The following RSPO3 variants were observed in gnomAD, a reference collection of about 807,000 sequenced individuals.
RSPO3 encodes R-spondin 3.
Under a neutral mutation model 36.5 loss-of-function variants are expected in RSPO3, and 17 were observed. The observed-to-expected ratio is 0.47, with a 90% confidence interval of 0.32 to 0.70. RSPO3 has a LOEUF of 0.70. RSPO3 is among the 30% of genes least tolerant of loss of function. The pLI is 0.04. For missense variants in RSPO3, 294 were observed against 322.5 expected (o/e 0.91, Z 0.68); for synonymous variants, 108 against 107.0 (o/e 1.01, Z -0.06).
At chr6:127,184,565 T>G (rs916565523) in intron 4 of RSPO3, among the ~76,000 whole-genome samples, 7 of 152,098 alleles carry the variant, frequency 4.6e-5, no homozygotes, top group African/African-American at 1.7e-4. Flanking sequence ...ATGAAAGTAA[T>G]TATTTGATTT....
At chr6:127,119,463 C>A (rs970228738) in intron 1 of RSPO3, among the ~76,000 whole-genome samples, 174 bp downstream of exon 1, 4 of 152,234 alleles carry the variant, frequency 2.6e-5, no homozygotes, top group African/African-American at 7.2e-5. Context: ...CCTTGCCTCT[C>A]GGCGCCCCTG....
chr6:127,178,339 A>G (rs1231329097), intron 4 of RSPO3, among the ~76,000 whole-genome samples: 3 of 151,724 alleles, frequency 2.0e-5, no homozygotes, highest in African/African-American at 7.3e-5. Flanking sequence ...TTTTTATATA[A>G]TTATAAAAAT....
rs1775539412 is a variant in RSPO3, at chr6:127,197,578, T to C, written c.*1571T>C. On this transcript the variant is annotated 3_prime_UTR_variant, in exon 5 of 5. Coordinates refer to ENST00000356698, the MANE Select transcript of RSPO3 (RefSeq NM_032784.5). ...GTCATGGAAGGATGCACGGCTGCTC[T>C]GTCCACTGTGATTCCTAGCCCTCTC... is the stretch of plus-strand genomic sequence containing the variant. 6.5e-7 allele frequency: 1 copy of C among 1,534,774 alleles called. No individual in the cohort carries two copies. Among genetic ancestry groups the C allele is most frequent in the Non-Finnish European group, 8.8e-7 (1 of 1,140,392 alleles).
chr6:127,126,765 G>A (rs1452179352), intron 1 of RSPO3, among the ~76,000 whole-genome samples: 2 of 151,164 alleles, frequency 1.3e-5, no homozygotes, highest in African/African-American at 2.4e-5. Context: ...TCTCTGGAAG[G>A]GATAAAACTT....
chr6:127,126,844 C>T (rs181236303), intron 1 of RSPO3, among the ~76,000 whole-genome samples: 12 of 152,190 alleles, frequency 7.9e-5, no homozygotes, highest in African/African-American at 2.4e-4. Context: ...AACTGTCTAG[C>T]CTCAGTAACA....
At chr6:127,164,264 T>C (rs1018285336) in intron 4 of RSPO3, among the ~76,000 whole-genome samples, 1 of 152,048 alleles carries the variant, frequency 6.6e-6, no homozygotes, top group Non-Finnish European at 1.5e-5. Flanking sequence ...TTTTGATTGC[T>C]GGCTCTGTTT....
chr6:127,135,291 C>T (rs953541931), intron 1 of RSPO3, among the ~76,000 whole-genome samples: 5 of 151,932 alleles, frequency 3.3e-5, no homozygotes, highest in Admixed American at 6.6e-5. Flanking sequence ...TGTGGTGGCA[C>T]ATGCCTGTAG....
chr6:127,130,789 A>G (rs1330256332), intron 1 of RSPO3, among the ~76,000 whole-genome samples: 2 of 152,038 alleles, frequency 1.3e-5, no homozygotes, highest in African/African-American at 2.4e-5. Flanking sequence ...GAGAAGCTAC[A>G]TATTTGTTTC....
At chr6:127,148,887 T>C in intron 2 of RSPO3, 48 bp downstream of exon 2, 2 of 1,458,402 alleles carry the variant, frequency 1.4e-6, no homozygotes, top group Non-Finnish European at 9.4e-7. Flanking sequence ...TTGGTGACTT[T>C]TCCAGATTGA....
At chr6:127,181,109 C>G (rs1775177874) in intron 4 of RSPO3, among the ~76,000 whole-genome samples, 1 of 151,784 alleles carries the variant, frequency 6.6e-6, no homozygotes, top group Non-Finnish European at 1.5e-5. Context: ...TAGACTATGA[C>G]TAAATAGCTT....
At chr6:127,176,160 A>G (rs939740652) in intron 4 of RSPO3, among the ~76,000 whole-genome samples, 1 of 151,826 alleles carries the variant, frequency 6.6e-6, no homozygotes, top group Middle Eastern at 3.4e-3. Context: ...TTCATATTTA[A>G]TTACAGTAGA....
intron 4 of RSPO3, chr6:127,192,818 T>C (rs1775439827): frequency 1.0e-5 from 5 of 494,660 alleles, no homozygotes; most frequent in South Asian, 1.7e-4. Flanking sequence ...TTGTCATAAC[T>C]GGAATGCTTA....
chr6:127,182,267 T>G (rs1260010101), intron 4 of RSPO3, among the ~76,000 whole-genome samples: 2 of 151,850 alleles, frequency 1.3e-5, no homozygotes, highest in Non-Finnish European at 2.9e-5. Flanking sequence ...ACATTTGCGC[T>G]CAAATTTCAA....
rs139452400 is a variant in RSPO3 at position 127,124,185 on chromosome 6, C to T, written c.97+4896C>T. Among the ~76,000 whole-genome samples, 761 of 152,136 alleles carry T rather than the reference C, an allele frequency of 5.0e-3. 8 individuals are homozygous for T. The highest frequency in any genetic ancestry group is 0.017 in the African/African-American group (723 of 41,544). ...AAAAAATAAAACTATTCTAGATATA[C>T]TGATTTGCCAAATTGTCTTTTCCCC... On this transcript the variant is annotated intron_variant, in intron 1 of 4. Transcript: ENST00000356698.
At chr6:127,162,729 T>C (rs998107855) in intron 4 of RSPO3, among the ~76,000 whole-genome samples, 1 of 152,156 alleles carries the variant, frequency 6.6e-6, no homozygotes, top group African/African-American at 2.4e-5. Flanking sequence ...GACCATAGAG[T>C]ATCAGCCCTT....
intron 1 of RSPO3, among the ~76,000 whole-genome samples, chr6:127,123,374 G>C (rs1773882717): frequency 1.3e-5 from 2 of 152,116 alleles, no homozygotes; most frequent in Admixed American, 1.3e-4. Context: ...GAGTAACAGT[G>C]TTTTAAAGAT....
intron 1 of RSPO3, among the ~76,000 whole-genome samples, chr6:127,129,752 T>C (rs906672533): frequency 6.6e-6 from 1 of 152,106 alleles, no homozygotes; most frequent in Non-Finnish European, 1.5e-5. Context: ...CTTGTTTGCC[T>C]GTGTGAATGT....
At chr6:127,184,307 C>T (rs747280898) in intron 4 of RSPO3, among the ~76,000 whole-genome samples, 5 of 151,930 alleles carry the variant, frequency 3.3e-5, no homozygotes, top group Non-Finnish European at 7.4e-5. Context: ...GTTGTTACTA[C>T]ATTAATTGTT....
intron 4 of RSPO3, among the ~76,000 whole-genome samples, chr6:127,191,553 TAAC>T: frequency 6.6e-6 from 1 of 152,212 alleles, no homozygotes; most frequent in Non-Finnish European, 1.5e-5. Flanking sequence ...ATCTTAAAAA[TAAC>T]AATTATCAAT....
Sources: allele counts gnomAD v4.1 joint callset (sites outside exome capture counted in the v4.1 genomes callset), GRCh38; gene constraint gnomAD v4.1.1; transcripts MANE v1.5; gene names NCBI Gene and HGNC (gene_info 2026-07-23, HGNC 2026-07-21).